CTNNA3: variants seen among roughly 807,000 people sequenced by gnomAD.
The protein encoded by CTNNA3 is catenin alpha 3.
In CTNNA3, 76 loss-of-function variants were observed where a neutral mutation model predicts 95.7. The ratio of observed to expected loss-of-function variants is 0.79; its 90% confidence interval spans 0.66 to 0.96. The LOEUF (loss-of-function observed/expected upper bound fraction) is 0.96. Ranked by LOEUF, CTNNA3 falls within the 40% of genes least tolerant of loss-of-function variation. CTNNA3 has a pLI of 0.00. For synonymous variants in CTNNA3, 431 were observed against 374.4 expected (o/e 1.15, Z -1.74); for missense variants, 1,191 against 1,089.8 (o/e 1.09, Z -1.31).
intron 5 of CTNNA3, among the ~76,000 whole-genome samples, chr10:67,373,280 T>C (rs1213739142): frequency 1.3e-5 from 2 of 151,910 alleles, no homozygotes; most frequent in African/African-American, 4.8e-5. Context: ...TGGAGGAAGA[T>C]CTACCAAGCA....
chr10:66,463,169 A>G (rs1265733170), intron 11 of CTNNA3, among the ~76,000 whole-genome samples: 2 of 152,112 alleles, frequency 1.3e-5, no homozygotes, highest in Non-Finnish European at 2.9e-5. Flanking sequence ...TTGATGTCCA[A>G]TGTTGGAGGT....
chr10:66,148,794 A>G (rs1195284654), intron 13 of CTNNA3, among the ~76,000 whole-genome samples: 2 of 152,080 alleles, frequency 1.3e-5, no homozygotes, highest in East Asian at 3.9e-4. Flanking sequence ...TTATGTGTGT[A>G]TGTATTTATA....
At chr10:67,648,794 G>A in intron 1 of CTNNA3, 1 of 1,289,280 alleles carries the variant, frequency 7.8e-7, no homozygotes, top group Non-Finnish European at 1.0e-6. Flanking sequence ...GTAGAAACAT[G>A]GTCTCTTTTC....
chr10:67,542,727 G>T (rs10509290), intron 3 of CTNNA3, among the ~76,000 whole-genome samples: 30,111 of 151,992 alleles, frequency 0.2, 4,961 homozygotes, highest in African/African-American at 0.46. Context: ...GGTGTCAGAA[G>T]ATATACAAAG....
intron 9 of CTNNA3, among the ~76,000 whole-genome samples, chr10:66,676,904 C>T (rs560681023): frequency 6.6e-6 from 1 of 152,142 alleles, no homozygotes; most frequent in Admixed American, 6.6e-5. Context: ...GTGGGCAGAG[C>T]AGGTGAATCT....
chr10:65,947,994 G>A (rs547778774), intron 17 of CTNNA3, among the ~76,000 whole-genome samples: 6 of 152,190 alleles, frequency 3.9e-5, no homozygotes, highest in African/African-American at 1.4e-4. Context: ...TACCATGTGC[G>A]CGGCCAGGCG....
At chr10:66,992,549 T>G (rs912939818) in intron 7 of CTNNA3, among the ~76,000 whole-genome samples, 1 of 152,108 alleles carries the variant, frequency 6.6e-6, no homozygotes, top group Non-Finnish European at 1.5e-5. Flanking sequence ...TTTTTTTTAA[T>G]GGCAACAGAA....
intron 12 of CTNNA3, among the ~76,000 whole-genome samples, chr10:66,311,143 T>G (rs1169410806): frequency 6.6e-6 from 1 of 152,208 alleles, no homozygotes; most frequent in African/African-American, 2.4e-5. Flanking sequence ...GGCATATATA[T>G]CCAAAGAATA....
chr10:67,721,181 T>G (rs751086079), intron 1 of CTNNA3, among the ~76,000 whole-genome samples: 35 of 152,274 alleles, frequency 2.3e-4, no homozygotes, highest in Middle Eastern at 3.4e-3. Flanking sequence ...TTCTCTGTAT[T>G]TCCTCAATTT....
intron 13 of CTNNA3, among the ~76,000 whole-genome samples, chr10:66,122,974 G>A: frequency 6.6e-6 from 1 of 152,024 alleles, no homozygotes; most frequent in Non-Finnish European, 1.5e-5. Context: ...GATTTGGTTG[G>A]GGACACAGCC....
intron 16 of CTNNA3, among the ~76,000 whole-genome samples, chr10:65,982,533 C>T (rs960911170): frequency 4.8e-5 from 4 of 83,874 alleles, no homozygotes; most frequent in South Asian, 3.6e-4. Context: ...AGGCATTATA[C>T]GAAAAAGATA....
chr10:67,490,572 G>A (rs12263800), intron 5 of CTNNA3, among the ~76,000 whole-genome samples: 10,967 of 152,170 alleles, frequency 0.072, 480 homozygotes, highest in South Asian at 0.14. Flanking sequence ...AGGGCAAGAT[G>A]GGGCCAGAGT....
At chr10:66,739,655 G>A (rs1316251992) in intron 9 of CTNNA3, among the ~76,000 whole-genome samples, 1 of 152,012 alleles carries the variant, frequency 6.6e-6, no homozygotes. Context: ...GTGTTTCATT[G>A]TCTAATAGAA....
intron 11 of CTNNA3, among the ~76,000 whole-genome samples, chr10:66,484,697 A>G (rs145852878): frequency 1.5e-3 from 233 of 152,206 alleles, no homozygotes; most frequent in Non-Finnish European, 2.8e-3. Flanking sequence ...AAACCTCCCA[A>G]AAAAGAAAAG....
chr10:67,066,859 CTTTAA>C (rs1200364775), intron 7 of CTNNA3, among the ~76,000 whole-genome samples: 5 of 152,074 alleles, frequency 3.3e-5, no homozygotes, highest in Non-Finnish European at 1.5e-5. Flanking sequence ...AAAAATCTGC[CTTTAA>C]TTTAATTTTA....
intron 13 of CTNNA3, among the ~76,000 whole-genome samples, chr10:66,213,229 G>A (rs2131956032): frequency 6.6e-6 from 1 of 151,266 alleles, no homozygotes; most frequent in Middle Eastern, 3.4e-3. Flanking sequence ...CATTTAAATG[G>A]GCAAAATATT....
chr10:66,322,556 T>C (rs533280146), intron 12 of CTNNA3, among the ~76,000 whole-genome samples: 9 of 152,158 alleles, frequency 5.9e-5, no homozygotes, highest in South Asian at 2.1e-4. Context: ...GAAATCTCTA[T>C]ACAGATTTCC....
intron 5 of CTNNA3, among the ~76,000 whole-genome samples, chr10:67,335,601 T>A (rs983263369): frequency 1.3e-5 from 2 of 152,232 alleles, no homozygotes; most frequent in Non-Finnish European, 2.9e-5. Context: ...TTTTTATTAA[T>A]CTTTCTTGAA....
intron 3 of CTNNA3, among the ~76,000 whole-genome samples, chr10:67,577,849 T>C (rs1842222554): frequency 6.6e-6 from 1 of 151,142 alleles, no homozygotes; most frequent in Non-Finnish European, 1.5e-5. Flanking sequence ...ATATATTGGC[T>C]TCATTTGGGT....
Sources: gnomAD v4.1 joint callset for allele counts (sites outside exome capture counted in the v4.1 genomes callset) on GRCh38, gnomAD v4.1.1 for gene constraint, MANE v1.5 for transcripts, NCBI Gene and HGNC (gene_info 2026-07-23, HGNC 2026-07-21) for gene names.